Variants in MCC observed in about 807,000 individuals in gnomAD.
MCC encodes the protein colorectal mutant cancer protein.
Under a neutral mutation model 116.2 loss-of-function variants are expected in MCC, and 90 were observed. The ratio of observed to expected loss-of-function variants is 0.77; its 90% CI spans 0.65 to 0.92. The LOEUF is 0.92. Ranked by LOEUF, MCC falls within the 40% of genes least tolerant of loss-of-function variation. The probability of loss-of-function intolerance (pLI) is 0.00; values close to 1 mark genes in which losing one functional copy is unlikely to be tolerated. For synonymous variants in MCC, 578 were observed against 510.5 expected (o/e 1.13, Z -1.78); for missense variants, 1,516 against 1,312.2 (o/e 1.16, Z -2.40).
At chr5:113,183,806 C>T (rs935162218) in intron 3 of MCC, among the ~76,000 whole-genome samples, 2 of 152,144 alleles carry the variant, frequency 1.3e-5, no homozygotes, top group Admixed American at 6.5e-5. Context: ...TAGGTTCTGT[C>T]TGAAGCAAGA....
rs115252017 is a variant in MCC, at chr5:113,049,811, C to A, written c.2449-512G>T. On this transcript the variant is annotated intron_variant, in intron 15 of 18. Coordinates refer to ENST00000408903, the MANE Select transcript of MCC (RefSeq NM_001085377.2). ...TCTGTTGCCCTGTAGCTGGGCCAGGCATGCGGCGAATGCCTGCAGCAGCAT... is the reference window on the plus strand; with the variant it reads ...TCTGTTGCCCTGTAGCTGGGCCAGGAATGCGGCGAATGCCTGCAGCAGCAT... 8.1e-3 allele frequency among the ~76,000 whole-genome samples: 1,229 copies of A among 152,338 alleles called. 13 individuals are homozygous for A. The highest frequency in any genetic ancestry group is 0.027 in the African/African-American group (1,138 of 41,572).
chr5:113,433,273 C>T (rs1770721716), intron 1 of MCC: 2 of 209,196 alleles, frequency 9.6e-6, no homozygotes, highest in South Asian at 6.8e-5. Context: ...CAGCCCCACC[C>T]AACCCCCAAC....
chr5:113,276,073 G>T (rs1845289), intron 3 of MCC, among the ~76,000 whole-genome samples: 19,462 of 151,176 alleles, frequency 0.13, 2,054 homozygotes, highest in Admixed American at 0.26. Context: ...AGGCCACAGT[G>T]GCCACATTGA....
chr5:113,252,279 G>C lies in MCC; in HGVS notation c.627+88240C>G, dbSNP rs369802848. ...GATCTGGTACGAGGCCGCAAAGCAGGAGGTGAGTGGTGGGTGGGCGAGTGA... is the reference window on the plus strand; with the variant it reads ...GATCTGGTACGAGGCCGCAAAGCAGCAGGTGAGTGGTGGGTGGGCGAGTGA... On this transcript the variant is annotated intron_variant, in intron 3 of 18. Coordinates refer to ENST00000408903, the MANE Select transcript of MCC (RefSeq NM_001085377.2). 1.5e-4 allele frequency among the ~76,000 whole-genome samples: 23 copies of C among 152,310 alleles called. No homozygotes were observed. In the East Asian group the frequency reaches 3.1e-3, roughly 20 times the overall value.
intron 3 of MCC, among the ~76,000 whole-genome samples, chr5:113,278,554 A>C (rs1360543546): frequency 6.6e-6 from 1 of 152,216 alleles, no homozygotes; most frequent in African/African-American, 2.4e-5. Context: ...ATTTAAACTA[A>C]GTCCTATATG....
intron 6 of MCC, among the ~76,000 whole-genome samples, chr5:113,110,700 T>C (rs570953849): frequency 2.6e-5 from 4 of 152,190 alleles, no homozygotes; most frequent in South Asian, 2.1e-4. Context: ...GAAGACTGGA[T>C]GGAATGGACC....
At position 113,029,055 on chromosome 5, in the gene MCC, C is replaced by G. The variant is rs774364893; in HGVS notation, c.2758G>C (p.Glu920Gln). The change falls in exon 18 of 19, where the codon GAA (glutamate) becomes CAA (glutamine). Residue 920 changes from glutamate to glutamine, a missense_variant and splice_region_variant. Transcript: ENST00000408903. ...TGAACTCTGGCCTTCAACTTCTTTT[C>G]TCTATATTAAAGGAGACAAAATATG... is the stretch of plus-strand genomic sequence containing the variant. ...AAEFTNAIRR[E>Q]KKLKARVQEL... The G allele has an allele frequency of 1.9e-6, 3 of 1,612,354 alleles. No individual in the cohort carries two copies. Among genetic ancestry groups the G allele is most frequent in the Non-Finnish European group, 2.5e-6 (3 of 1,179,294 alleles).
At chr5:113,221,547 C>T (rs1179425829) in intron 3 of MCC, among the ~76,000 whole-genome samples, 2 of 152,224 alleles carry the variant, frequency 1.3e-5, no homozygotes, top group East Asian at 1.9e-4. Context: ...CAACTGGAGG[C>T]TATGAGATTT....
chr5:113,373,178 C>CAA (rs764418127), intron 2 of MCC, among the ~76,000 whole-genome samples: 5 of 132,116 alleles, frequency 3.8e-5, no homozygotes, highest in East Asian at 4.2e-4. Flanking sequence ...GACTCCCTCT[C>CAA]AAAAAAAAAT....
Position 113,333,825 on chromosome 5 carries a change from ATGTATATATGTATATATG to A in MCC, c.627+6676_627+6693del, listed in dbSNP as rs1561527789. ...TGTATATATGTATATATGTACATAT[ATGTATATATGTATATATG>A]TATATATGTACATATATGTATATAT... On this transcript the variant is annotated intron_variant, in intron 3 of 18. Transcript: ENST00000408903. Among the ~76,000 whole-genome samples the A allele has an allele frequency of 1.1e-4, 5 of 43,734 alleles. 2 individuals carry two copies. The highest frequency in any genetic ancestry group is 5.4e-4 in the African/African-American group (5 of 9,210). 28.7% of individuals were successfully genotyped at this position (43,734 alleles called of 152,430 possible).
chr5:113,276,374 T>C (rs1765825458), intron 3 of MCC, among the ~76,000 whole-genome samples: 1 of 152,244 alleles, frequency 6.6e-6, no homozygotes, highest in South Asian at 2.1e-4. Flanking sequence ...CCCTGGGGCA[T>C]CAAGGTACCC....
chr5:113,195,028 C>T (rs760248796), intron 3 of MCC, among the ~76,000 whole-genome samples: 3 of 152,216 alleles, frequency 2.0e-5, no homozygotes, highest in Non-Finnish European at 2.9e-5. Flanking sequence ...GCCCCAGAAG[C>T]ATCCATGCCC....
chr5:113,043,821 G>A (rs1040829651), intron 16 of MCC, among the ~76,000 whole-genome samples, 191 bp from the exon 17 acceptor site: 1 of 152,242 alleles, frequency 6.6e-6, no homozygotes, highest in African/African-American at 2.4e-5. Flanking sequence ...CCAGACCGCT[G>A]GCTCCTTTTG....
chr5:113,158,738 T>C (rs1025392369), intron 3 of MCC, among the ~76,000 whole-genome samples: 1 of 152,214 alleles, frequency 6.6e-6, no homozygotes, highest in African/African-American at 2.4e-5. Flanking sequence ...CTAATAAATA[T>C]TAGGTTGGTG....
intron 16 of MCC, 113 bp from the exon 17 acceptor site, chr5:113,043,743 C>A (rs1751886712): frequency 3.0e-6 from 2 of 672,730 alleles, no homozygotes; most frequent in Non-Finnish European, 5.2e-6. Flanking sequence ...AGTGTGGGCA[C>A]CGGGTGGCGC....
intron 5 of MCC, among the ~76,000 whole-genome samples, chr5:113,141,992 A>C (rs866163830): frequency 6.6e-6 from 1 of 152,194 alleles, no homozygotes; most frequent in Non-Finnish European, 1.5e-5. Context: ...TTCTCTGCTC[A>C]TGTACTTCTA....
intron 3 of MCC, among the ~76,000 whole-genome samples, chr5:113,267,801 G>C (rs1204445227): frequency 6.6e-6 from 1 of 152,010 alleles, no homozygotes; most frequent in Non-Finnish European, 1.5e-5. Flanking sequence ...CACAGTCCTG[G>C]GAATATACTA....
intron 4 of MCC, 45 bp downstream of exon 4, chr5:113,151,264 A>T: frequency 8.3e-7 from 1 of 1,201,706 alleles, no homozygotes; most frequent in Non-Finnish European, 1.2e-6. Flanking sequence ...TAAATATTTA[A>T]AACAAAAAAC....
intron 3 of MCC, among the ~76,000 whole-genome samples, chr5:113,285,789 A>C (rs1766233213): frequency 6.6e-6 from 1 of 152,218 alleles, no homozygotes; most frequent in Non-Finnish European, 1.5e-5. Flanking sequence ...TGTAGGATGC[A>C]TAGAACAGGG....
Sources: allele counts gnomAD v4.1 joint callset (sites outside exome capture counted in the v4.1 genomes callset), GRCh38; gene constraint gnomAD v4.1.1; transcripts MANE v1.5; gene names NCBI Gene and HGNC (gene_info 2026-07-23, HGNC 2026-07-21).